BNC2: variants seen among roughly 807,000 people sequenced by gnomAD.
BNC2 encodes basonuclin zinc finger protein 2, also known as zinc finger protein basonuclin-2.
A neutral mutation model predicts 76.3 loss-of-function variants in BNC2; 20 were observed. The ratio of observed to expected loss-of-function variants is 0.26; its 90% CI spans 0.18 to 0.38. The LOEUF (loss-of-function observed/expected upper bound fraction) is 0.38. Among genes scored for constraint, BNC2 ranks in the 10% least tolerant of loss-of-function variants. The pLI is 1.00. For synonymous variants in BNC2, 582 were observed against 514.8 expected, an observed-to-expected ratio of 1.13 and a Z score of -1.77; for missense variants, 1,382 against 1,399.8, an observed-to-expected ratio of 0.99 and a Z score of 0.20.
chr9:16,465,798 C>A (rs1821693533), intron 5 of BNC2, among the ~76,000 whole-genome samples: 1 of 152,040 alleles, frequency 6.6e-6, no homozygotes, highest in Non-Finnish European at 1.5e-5. Flanking sequence ...ACAGAGTATG[C>A]AATTAAAATG....
rs1470520663 is a variant in BNC2 at position 16,870,138 on chromosome 9, G to C, written c.3+508C>G. On this transcript the variant is annotated intron_variant, in intron 1 of 6. Coordinates refer to ENST00000380672, the MANE Select transcript of BNC2 (RefSeq NM_017637.6). ...GAGGAAGAGTCAACGTGCCGGGCCC[G>C]GGCGGCTGCGCCCCAGCGCACCCGG... Among the ~76,000 whole-genome samples the C allele has an allele frequency of 6.6e-5, 10 of 152,158 alleles. No homozygotes were observed. In the East Asian group the frequency reaches 1.8e-3, roughly 27 times the overall value.
At chr9:16,652,956 C>T (rs1219516820) in intron 3 of BNC2, among the ~76,000 whole-genome samples, 1 of 152,114 alleles carries the variant, frequency 6.6e-6, no homozygotes, top group Non-Finnish European at 1.5e-5. Context: ...ACCCTGTGGG[C>T]CCTACTCCCT....
chr9:16,690,592 G>C (rs1179332344), intron 3 of BNC2, among the ~76,000 whole-genome samples: 1 of 152,118 alleles, frequency 6.6e-6, no homozygotes, highest in Non-Finnish European at 1.5e-5. Flanking sequence ...GGAATGACCA[G>C]AAATACATTC....
intron 5 of BNC2, among the ~76,000 whole-genome samples, chr9:16,495,212 T>C (rs963570476): frequency 6.6e-6 from 1 of 152,036 alleles, no homozygotes. Flanking sequence ...AAAAGGACAG[T>C]CGTAGTTTAA....
intron 5 of BNC2, among the ~76,000 whole-genome samples, chr9:16,524,111 G>A (rs1563824038): frequency 6.6e-6 from 1 of 150,992 alleles, no homozygotes; most frequent in Non-Finnish European, 1.5e-5. Flanking sequence ...CACTTGGGGT[G>A]AGAACACCAT....
intron 3 of BNC2, among the ~76,000 whole-genome samples, chr9:16,690,726 C>A (rs1823134431): frequency 6.6e-6 from 1 of 152,098 alleles, no homozygotes; most frequent in African/African-American, 2.4e-5. Flanking sequence ...CAGATCTCCT[C>A]TGGAGTCATC....
At chr9:16,757,641 G>A (rs1825423365) in intron 1 of BNC2, among the ~76,000 whole-genome samples, 2 of 55,202 alleles carry the variant, frequency 3.6e-5, no homozygotes, top group Non-Finnish European at 1.2e-4. Context: ...TGTTGACTAT[G>A]TAATTTTACT....
chr9:16,739,011 C>A lies in BNC2; in HGVS notation c.4-526G>T, dbSNP rs1448633029. 1.2e-4 allele frequency among the ~76,000 whole-genome samples: 18 copies of A among 151,536 alleles called. No homozygotes were observed. In the East Asian group the frequency reaches 1.4e-3, roughly 11 times the overall value. On this transcript the variant is annotated intron_variant, in intron 1 of 6. Coordinates refer to ENST00000380672, the MANE Select transcript of BNC2 (RefSeq NM_017637.6). ...CAGAATTCCATACAACTTAGAGATC[C>A]CTTCCAGCCAGTATGGTTTAGAAAA...
At chr9:16,768,676 C>T (rs1825757376) in intron 1 of BNC2, among the ~76,000 whole-genome samples, 1 of 151,984 alleles carries the variant, frequency 6.6e-6, no homozygotes, top group African/African-American at 2.4e-5. Flanking sequence ...GGGATAGGTA[C>T]CAGAGAGACA....
Position 16,499,526 on chromosome 9 carries a change from T to A in BNC2, c.669+53004A>T, listed in dbSNP as rs1198440003. Among the ~76,000 whole-genome samples the A allele has an allele frequency of 3.1e-5, 4 of 130,492 alleles. No individual in the cohort carries two copies. The East Asian group carries it at 9.5e-4, about 31-fold the overall frequency. The allele number at this position is 130,492 out of a possible 152,430, so 85.6% of individuals were successfully genotyped here. A position where few individuals can be genotyped will look rare whatever the true frequency, so the allele number is the denominator to read the frequency against. Reference sequence around the variant, plus strand: ...ATAGCTCCTCCCTAAATATCTTTTTTTTTCTTTTTTTTTTTTTTTTTGAGA... The same window carrying A: ...ATAGCTCCTCCCTAAATATCTTTTTATTTCTTTTTTTTTTTTTTTTTGAGA... On this transcript the variant is annotated intron_variant, in intron 5 of 6. Transcript: ENST00000380672.
At chr9:16,425,141 G>A (rs552273653) in intron 6 of BNC2, among the ~76,000 whole-genome samples, 1 of 152,270 alleles carries the variant, frequency 6.6e-6, no homozygotes, top group East Asian at 1.9e-4. Context: ...TTAAAAGTAT[G>A]AAACTCAGTC....
At chr9:16,738,317 T>C (rs1262609633) in intron 2 of BNC2, 43 bp downstream of exon 2, 12 of 1,586,498 alleles carry the variant, frequency 7.6e-6, no homozygotes, top group South Asian at 3.3e-5. Flanking sequence ...AGAATGCAAG[T>C]GTGTCCAAGT....
intron 3 of BNC2, among the ~76,000 whole-genome samples, chr9:16,619,405 T>C (rs1279079733): frequency 1.3e-5 from 2 of 151,476 alleles, no homozygotes; most frequent in African/African-American, 4.8e-5. Flanking sequence ...GAGTGAAAAC[T>C]GTACCATAAA....
chr9:16,808,280 C>T (rs914708061), intron 1 of BNC2, among the ~76,000 whole-genome samples: 1 of 152,010 alleles, frequency 6.6e-6, no homozygotes, highest in African/African-American at 2.4e-5. Flanking sequence ...CCACCATTTT[C>T]ATTATTATTC....
chr9:16,553,371 G>T (rs531524170), intron 4 of BNC2, among the ~76,000 whole-genome samples: 14 of 152,152 alleles, frequency 9.2e-5, no homozygotes, highest in African/African-American at 3.1e-4. Flanking sequence ...AGCTATAGGG[G>T]GTTATCCAAA....
At chr9:16,840,782 A>G (rs1818805512) in intron 1 of BNC2, among the ~76,000 whole-genome samples, 1 of 152,224 alleles carries the variant, frequency 6.6e-6, no homozygotes. Flanking sequence ...CAGCAGTTCT[A>G]ATGTCAAATG....
Position 16,523,395 on chromosome 9 carries a change from C to T in BNC2, c.669+29135G>A, listed in dbSNP as rs997548591. Among the ~76,000 whole-genome samples the T allele has an allele frequency of 8.7e-5, 13 of 149,644 alleles. No individual in the cohort carries two copies. The South Asian group carries it at 2.1e-3, about 25-fold the overall frequency. On this transcript the variant is annotated intron_variant, in intron 5 of 6. Coordinates refer to ENST00000380672, the MANE Select transcript of BNC2 (RefSeq NM_017637.6). ...CTAAGGCAGGAGAATGGCATGAACC[C>T]GGGAGGCGGAGCTTGCAGTGAGCCG...
intron 3 of BNC2, among the ~76,000 whole-genome samples, chr9:16,618,593 G>A (rs1051537718): frequency 2.6e-5 from 4 of 152,088 alleles, no homozygotes; most frequent in African/African-American, 4.8e-5. Flanking sequence ...TATACCCTAG[G>A]ATAAAAGAAT....
At chr9:16,630,761 CAG>C (rs1316427742) in intron 3 of BNC2, among the ~76,000 whole-genome samples, 1 of 44,998 alleles carries the variant, frequency 2.2e-5, no homozygotes. Context: ...TTTTTTGAAA[CAG>C]AGTTTCACTC....
Sources: allele counts gnomAD v4.1 joint callset (sites outside exome capture counted in the v4.1 genomes callset), GRCh38; gene constraint gnomAD v4.1.1; transcripts MANE v1.5; gene names NCBI Gene and HGNC (gene_info 2026-07-23, HGNC 2026-07-21).